The following NBEA variants were observed in gnomAD, a reference collection of about 807,000 sequenced individuals.
NBEA encodes lysosomal-trafficking regulator 2.
In NBEA, 44 loss-of-function variants were observed where a neutral mutation model predicts 343.4. The ratio of observed to expected loss-of-function variants is 0.13; its 90% CI spans 0.10 to 0.16. The LOEUF is 0.16. NBEA is among the 10% of genes least tolerant of loss of function. The pLI is 1.00. For synonymous variants in NBEA, 1,175 were observed against 1,238.7 expected (o/e 0.95, Z 1.08); for missense variants, 2,555 against 3,631.3 (o/e 0.70, Z 7.62).
intron 34 of NBEA, among the ~76,000 whole-genome samples, chr13:35,275,312 G>A (rs747489789): frequency 2.5e-4 from 38 of 152,170 alleles, no homozygotes; most frequent in Non-Finnish European, 3.8e-4. Flanking sequence ...GTAGAAAGCT[G>A]AAACTGAATC....
chr13:35,467,387 G>A (rs932090775), intron 40 of NBEA, among the ~76,000 whole-genome samples: 1 of 151,822 alleles, frequency 6.6e-6, no homozygotes, highest in East Asian at 1.9e-4. Flanking sequence ...CAGGAGAATC[G>A]CTTAAACCGG....
At chr13:35,072,754 G>C (rs1252230570) in intron 10 of NBEA, among the ~76,000 whole-genome samples, 2 of 151,916 alleles carry the variant, frequency 1.3e-5, no homozygotes, top group Non-Finnish European at 1.5e-5. Flanking sequence ...GTAGACACAG[G>C]GTTCCACCAT....
chr13:35,034,540 A>G (rs1566190257), intron 1 of NBEA, among the ~76,000 whole-genome samples: 1 of 151,838 alleles, frequency 6.6e-6, no homozygotes, highest in Non-Finnish European at 1.5e-5. Flanking sequence ...GCCTCATGGA[A>G]TGAGTTTGGA....
intron 40 of NBEA, among the ~76,000 whole-genome samples, chr13:35,468,132 G>GCCCA (rs1566176841): frequency 4.2e-4 from 43 of 102,994 alleles, no homozygotes; most frequent in Non-Finnish European, 5.1e-4. Context: ...CCCCTCCCCT[G>GCCCA]AAAATGATTA....
intron 11 of NBEA, among the ~76,000 whole-genome samples, chr13:35,108,368 A>G (rs1334399064): frequency 1.3e-5 from 2 of 152,000 alleles, no homozygotes; most frequent in Non-Finnish European, 1.5e-5. Context: ...ATATTATAGC[A>G]TTTTTATCTG....
intron 35 of NBEA, among the ~76,000 whole-genome samples, chr13:35,295,489 C>G (rs1594109566): frequency 6.6e-6 from 1 of 151,940 alleles, no homozygotes; most frequent in South Asian, 2.1e-4. Context: ...TTTGGAGTGT[C>G]TATGTTATAT....
chr13:35,243,329 A>T (rs1404456715), intron 34 of NBEA, among the ~76,000 whole-genome samples: 4 of 151,944 alleles, frequency 2.6e-5, no homozygotes, highest in Non-Finnish European at 5.9e-5. Context: ...AACTACACAC[A>T]AAGGAGGGAA....
chr13:34,978,155 A>C (rs892068322), intron 1 of NBEA, among the ~76,000 whole-genome samples: 1 of 152,190 alleles, frequency 6.6e-6, no homozygotes. Context: ...GGCATATTCT[A>C]AGCAGTGCTG....
chr13:34,944,545 T>TTACACC (rs1593247317), intron 1 of NBEA, among the ~76,000 whole-genome samples: 1 of 152,024 alleles, frequency 6.6e-6, no homozygotes, highest in East Asian at 2.0e-4. Flanking sequence ...AAAGTCAGTG[T>TTACACC]AAGTTTGAGG....
chr13:35,352,129 A>G (rs1566015995), intron 37 of NBEA, 28 bp from the exon 38 acceptor site: 2 of 1,352,434 alleles, frequency 1.5e-6, no homozygotes, highest in Non-Finnish European at 1.9e-6. Context: ...AAAGTTTATT[A>G]TTATGCATCA....
chr13:35,248,755 G>C (rs993892275), intron 34 of NBEA, among the ~76,000 whole-genome samples: 2 of 152,124 alleles, frequency 1.3e-5, no homozygotes, highest in Admixed American at 6.5e-5. Context: ...GAATGTTGTT[G>C]GGCCCTTACC....
intron 34 of NBEA, among the ~76,000 whole-genome samples, chr13:35,271,473 G>T (rs141074360): frequency 6.6e-6 from 1 of 152,102 alleles, no homozygotes; most frequent in South Asian, 2.1e-4. Context: ...ACAACTCCAC[G>T]CCAGTAAGGG....
chr13:35,339,706 G>A (rs1340392438), intron 36 of NBEA, among the ~76,000 whole-genome samples: 2 of 152,062 alleles, frequency 1.3e-5, no homozygotes, highest in Non-Finnish European at 2.9e-5. Context: ...TGAAGTGGGG[G>A]CAGGCATGTC....
chr13:35,649,228 A>C (rs554836994), intron 51 of NBEA, among the ~76,000 whole-genome samples: 1 of 152,310 alleles, frequency 6.6e-6, no homozygotes, highest in East Asian at 1.9e-4. Flanking sequence ...ACCAGATAGA[A>C]ATGAAAGTAT....
chr13:35,179,807 T>C (rs1566417960), intron 28 of NBEA: 1 of 984,226 alleles, frequency 1.0e-6, no homozygotes, highest in Non-Finnish European at 1.2e-6. Flanking sequence ...GGTTGGTATC[T>C]TTTCTTAATC....
At chr13:35,189,038 CT>C (rs1409563251) in intron 30 of NBEA, among the ~76,000 whole-genome samples, 5 of 151,186 alleles carry the variant, frequency 3.3e-5, no homozygotes, top group Admixed American at 1.3e-4. Context: ...TACCGCTCAG[CT>C]TCCTGAGTAG....
intron 31 of NBEA, among the ~76,000 whole-genome samples, chr13:35,204,338 C>G (rs1279820310): frequency 1.3e-5 from 2 of 152,148 alleles, no homozygotes; most frequent in Non-Finnish European, 2.9e-5. Context: ...ATTGGACTTA[C>G]AGTTCCACAT....
At chr13:35,212,576 T>C (rs1189268841) in intron 33 of NBEA, among the ~76,000 whole-genome samples, 6 of 152,152 alleles carry the variant, frequency 3.9e-5, no homozygotes, top group Admixed American at 3.3e-4. Context: ...TCGTAGTGTT[T>C]GTATATGTTC....
At chr13:35,610,552 C>A (rs2082467333) in intron 48 of NBEA, among the ~76,000 whole-genome samples, 1 of 146,746 alleles carries the variant, frequency 6.8e-6, no homozygotes, top group South Asian at 2.1e-4. Context: ...AAAAAATTAA[C>A]TCAAAATAGA....
Sources: allele counts gnomAD v4.1 joint callset (sites outside exome capture counted in the v4.1 genomes callset), GRCh38; gene constraint gnomAD v4.1.1; transcripts MANE v1.5; gene names NCBI Gene and HGNC (gene_info 2026-07-23, HGNC 2026-07-21).